ERICH6B: variants seen among roughly 807,000 people sequenced by gnomAD.
ERICH6B encodes glutamate-rich protein 6B.
Under a neutral mutation model 80.0 loss-of-function variants are expected in ERICH6B, and 69 were observed. That is an observed-to-expected ratio of 0.86 (90% CI 0.71 to 1.05). The LOEUF (loss-of-function observed/expected upper bound fraction) is 1.05, where lower values mean the gene tolerates loss of function less well. Among genes scored for constraint, ERICH6B ranks in the 50% least tolerant of loss-of-function variants. The pLI is 0.00. For synonymous variants in ERICH6B, 283 were observed against 291.9 expected (o/e 0.97, Z 0.31); for missense variants, 754 against 796.1 (o/e 0.95, Z 0.64).
intron 3 of ERICH6B, 104 bp from the exon 4 acceptor site, chr13:45,590,801 T>A: frequency 1.1e-6 from 1 of 922,166 alleles, no homozygotes; most frequent in Non-Finnish European, 1.6e-6. Flanking sequence ...GTTATAGAAA[T>A]TTTCTATTTT....
intron 11 of ERICH6B, among the ~76,000 whole-genome samples, chr13:45,551,944 G>A (rs1023222710): frequency 1.3e-4 from 20 of 152,138 alleles, no homozygotes; most frequent in African/African-American, 4.6e-4. Flanking sequence ...TACCCAGTCT[G>A]TGATTCCCTG....
chr13:45,552,369 TG>T lies in ERICH6B; in HGVS notation c.1408-2054del, dbSNP rs1447051274. On this transcript the variant is annotated intron_variant, in intron 11 of 14. Coordinates refer to ENST00000298738, the MANE Select transcript of ERICH6B (RefSeq NM_182542.3). Reference sequence around the variant, plus strand: ...CCCCTGCTTCCTCAGCACACACACCTGGCTCAGAAGCTCACTCTTCTGGTTT... The same window carrying T: ...CCCCTGCTTCCTCAGCACACACACCTGCTCAGAAGCTCACTCTTCTGGTTT... 2.0e-5 allele frequency among the ~76,000 whole-genome samples: 3 copies of T among 152,126 alleles called. 1 individual carries two copies. Among genetic ancestry groups the T allele is most frequent in the African/African-American group, 7.2e-5 (3 of 41,418 alleles).
chr13:45,583,466 G>A (rs73466517), intron 5 of ERICH6B, among the ~76,000 whole-genome samples: 1 of 152,044 alleles, frequency 6.6e-6, no homozygotes, highest in Non-Finnish European at 1.5e-5. Context: ...TTTAACCTCT[G>A]CATGTGATAT....
rs1949924815 is a variant in ERICH6B, at chr13:45,615,726, C to A, written c.-152G>T. The A allele has an allele frequency of 6.6e-6, 1 of 150,526 alleles. No homozygotes were observed. The highest frequency in any genetic ancestry group is 1.9e-4 in the East Asian group (1 of 5,198). 9.3% of individuals were successfully genotyped at this position (150,526 alleles called of 1,614,324 possible). A position where few individuals can be genotyped will look rare whatever the true frequency, so the allele number is the denominator to read the frequency against. On this transcript the variant is annotated 5_prime_UTR_variant, in exon 1 of 15. Transcript: ENST00000298738. ...CGCGTGCATCCACCGCGATCTCAGG[C>A]CCCGGCGTTTGTGGCAGCTCTCGGT...
chr13:45,598,982 C>A (rs1203741641), intron 2 of ERICH6B, among the ~76,000 whole-genome samples: 1 of 152,218 alleles, frequency 6.6e-6, no homozygotes, highest in African/African-American at 2.4e-5. Context: ...CTCACCAAGC[C>A]TACTCCACAA....
At chr13:45,587,961 G>A (rs184391409) in intron 4 of ERICH6B, among the ~76,000 whole-genome samples, 107 of 152,348 alleles carry the variant, frequency 7.0e-4, no homozygotes, top group African/African-American at 2.5e-3. Context: ...TAAACAGGTG[G>A]TGACTATGGT....
At chr13:45,546,291 A>C (rs1320581947) in intron 13 of ERICH6B, among the ~76,000 whole-genome samples, 1 of 152,100 alleles carries the variant, frequency 6.6e-6, no homozygotes, top group Non-Finnish European at 1.5e-5. Context: ...GGCAGTTCCT[A>C]GAATCAGTGC....
intron 5 of ERICH6B, among the ~76,000 whole-genome samples, chr13:45,583,802 T>G (rs1875777633): frequency 6.6e-6 from 1 of 152,238 alleles, no homozygotes; most frequent in Non-Finnish European, 1.5e-5. Context: ...GCCATGATTG[T>G]GAGGCCTCCC....
intron 3 of ERICH6B, among the ~76,000 whole-genome samples, chr13:45,595,033 G>T (rs185118625): frequency 2.6e-5 from 4 of 152,176 alleles, no homozygotes; most frequent in African/African-American, 9.7e-5. Context: ...TGCTGAAACA[G>T]TGTTGGAAAA....
intron 1 of ERICH6B, among the ~76,000 whole-genome samples, chr13:45,610,435 T>A (rs1331229052): frequency 2.0e-5 from 3 of 152,202 alleles, no homozygotes; most frequent in Admixed American, 1.3e-4. Context: ...CTCAGGGAGA[T>A]TGATTTGAGT....
At chr13:45,591,401 C>T (rs1458988175) in intron 3 of ERICH6B, among the ~76,000 whole-genome samples, 11 of 152,078 alleles carry the variant, frequency 7.2e-5, no homozygotes, top group Non-Finnish European at 1.0e-4. Flanking sequence ...TCGAGACCAT[C>T]CTGGCTAATG....
At chr13:45,549,200 C>T (rs1229553131) in intron 13 of ERICH6B, among the ~76,000 whole-genome samples, 4 of 151,854 alleles carry the variant, frequency 2.6e-5, no homozygotes, top group Non-Finnish European at 4.4e-5. Context: ...AGGAGAATTG[C>T]TTGAACCGGG....
chr13:45,568,431 C>T lies in ERICH6B; in HGVS notation c.1071G>A (p.Gln357=), dbSNP rs1488337353. 6.5e-7 allele frequency: 1 copy of T among 1,529,268 alleles called. No individual in the cohort carries two copies. Among genetic ancestry groups the T allele is most frequent in the Admixed American group, 2.2e-5 (1 of 45,708 alleles). 94.7% of individuals were successfully genotyped at this position (1,529,268 alleles called of 1,614,324 possible). Residue 357 remains glutamine, a synonymous_variant, in exon 9 of 15, where the codon CAG becomes CAA. Transcript: ENST00000298738. ...LDENFLNSSY[Q]TVFKTIIKEM... Reference sequence around the variant, plus strand: ...CTTTGATTATTGTTTTAAATACTGTCTGATAGGAGCTGTTCAAAAACTACA... The same window carrying T: ...CTTTGATTATTGTTTTAAATACTGTTTGATAGGAGCTGTTCAAAAACTACA...
At chr13:45,613,576 A>G (rs1593331776) in intron 1 of ERICH6B, among the ~76,000 whole-genome samples, 1 of 152,168 alleles carries the variant, frequency 6.6e-6, no homozygotes, top group African/African-American at 2.4e-5. Context: ...GTTTATCACA[A>G]CCACCAGTCA....
intron 5 of ERICH6B, among the ~76,000 whole-genome samples, chr13:45,585,276 C>T (rs1337061941): frequency 1.3e-5 from 2 of 152,154 alleles, no homozygotes; most frequent in African/African-American, 4.8e-5. Context: ...TGGAATATTC[C>T]TTTCCATGGC....
intron 11 of ERICH6B, among the ~76,000 whole-genome samples, chr13:45,550,887 C>T (rs571071815): frequency 6.6e-6 from 1 of 152,278 alleles, no homozygotes; most frequent in Admixed American, 6.5e-5. Context: ...AAGATGACCT[C>T]ATCTTAACTC....
intron 7 of ERICH6B, among the ~76,000 whole-genome samples, chr13:45,575,676 G>A (rs985834099): frequency 3.3e-5 from 5 of 152,116 alleles, no homozygotes; most frequent in Admixed American, 1.3e-4. Flanking sequence ...ATGAATCCCC[G>A]AGCCAGTGAG....
At chr13:45,609,730 G>A (rs1325942248) in intron 1 of ERICH6B, among the ~76,000 whole-genome samples, 3 of 152,226 alleles carry the variant, frequency 2.0e-5, no homozygotes, top group Non-Finnish European at 4.4e-5. Context: ...TGGGAGAAAG[G>A]GAGCCAGTGA....
intron 11 of ERICH6B, among the ~76,000 whole-genome samples, chr13:45,552,269 C>A (rs1204184865): frequency 6.6e-6 from 1 of 152,130 alleles, no homozygotes; most frequent in Non-Finnish European, 1.5e-5. Flanking sequence ...AGATGTTTTG[C>A]ATGTGCTTGG....
Sources: gnomAD v4.1 joint callset for allele counts (sites outside exome capture counted in the v4.1 genomes callset) on GRCh38, gnomAD v4.1.1 for gene constraint, MANE v1.5 for transcripts, NCBI Gene and HGNC (gene_info 2026-07-23, HGNC 2026-07-21) for gene names.